SIK3: variants seen among roughly 807,000 people sequenced by gnomAD.
The protein encoded by SIK3 is SIK family kinase 3.
Under a neutral mutation model 144.2 loss-of-function variants are expected in SIK3, and 28 were observed. The ratio of observed to expected loss-of-function variants is 0.19; its 90% CI spans 0.14 to 0.27. SIK3 has a LOEUF of 0.27. Among genes scored for constraint, SIK3 ranks in the 10% least tolerant of loss-of-function variants. SIK3 has a pLI of 1.00. For synonymous variants in SIK3, 686 were observed against 676.3 expected (o/e 1.01, Z -0.22); for missense variants, 1,319 against 1,776.0 (o/e 0.74, Z 4.62).
At chr11:117,061,437 T>G (rs1395702619) in intron 1 of SIK3, among the ~76,000 whole-genome samples, 1 of 152,168 alleles carries the variant, frequency 6.6e-6, no homozygotes, top group Non-Finnish European at 1.5e-5. Flanking sequence ...AATGGTTGCG[T>G]CACTTTGGGT....
In SIK3 at chr11:116,867,301, G is replaced by A. The variant is rs1046726691; in HGVS notation, c.1952+645C>T. Among the ~76,000 whole-genome samples, 3 of 152,180 alleles carry A rather than the reference G, an allele frequency of 2.0e-5. No homozygotes were observed. The highest frequency in any genetic ancestry group is 4.4e-5 in the Non-Finnish European group (3 of 68,030). ...TCTTCAACTAGCAAAGTGTCATTCC[G>A]CAGCTGCTTCCAGGCTTACTTGGAG... On this transcript the variant is annotated intron_variant, in intron 15 of 24. Transcript: ENST00000445177. The surrounding 1 kb of genome is among the most constrained non-coding windows in gnomAD (Gnocchi z 4.1).
chr11:116,944,207 A>G (rs1214703668), intron 3 of SIK3, among the ~76,000 whole-genome samples: 1 of 152,168 alleles, frequency 6.6e-6, no homozygotes, highest in Non-Finnish European at 1.5e-5. Flanking sequence ...CCCAAAGAGA[A>G]GGCCTGGCCT....
chr11:117,054,208 G>A (rs575890127), intron 1 of SIK3, among the ~76,000 whole-genome samples: 11 of 152,232 alleles, frequency 7.2e-5, no homozygotes, highest in Non-Finnish European at 1.3e-4. Context: ...CTAGATGTTT[G>A]GGGTGGAAGG....
intron 6 of SIK3, among the ~76,000 whole-genome samples, chr11:116,890,777 G>A (rs1435303291): frequency 6.6e-6 from 1 of 151,996 alleles, no homozygotes; most frequent in African/African-American, 2.4e-5. Context: ...ATGTATTCTC[G>A]GCAGTGGGAA....
chr11:117,048,335 CATTTAATTATACAGACATAAGGTCA>C (rs1411820317), intron 1 of SIK3, among the ~76,000 whole-genome samples: 3 of 152,150 alleles, frequency 2.0e-5, no homozygotes, highest in African/African-American at 7.2e-5. Flanking sequence ...TAATGAAATA[CATTTAATTATACAGACATAAGGTCA>C]ATTAAAACTT....
intron 1 of SIK3, among the ~76,000 whole-genome samples, chr11:117,021,295 AG>A (rs1322878757): frequency 6.6e-6 from 1 of 152,230 alleles, no homozygotes; most frequent in African/African-American, 2.4e-5. Context: ...TTTGCACAAA[AG>A]AAAAATGGAA....
chr11:116,934,925 C>CA (rs1296962761), intron 3 of SIK3, among the ~76,000 whole-genome samples: 20 of 149,312 alleles, frequency 1.3e-4, no homozygotes, highest in East Asian at 3.9e-4. Context: ...ACTCAAAATA[C>CA]AAAAAAAAAA....
At chr11:117,051,749 A>T (rs1222916257) in intron 1 of SIK3, among the ~76,000 whole-genome samples, 1 of 151,892 alleles carries the variant, frequency 6.6e-6, no homozygotes, top group African/African-American at 2.4e-5. Context: ...ACCTGGTCTC[A>T]AACTCCTGAC....
At chr11:117,041,229 A>G (rs1029252301) in intron 1 of SIK3, among the ~76,000 whole-genome samples, 6 of 152,184 alleles carry the variant, frequency 3.9e-5, no homozygotes, top group Middle Eastern at 3.4e-3. Context: ...AGAGATGGGG[A>G]AAAAAATAGC....
intron 1 of SIK3, among the ~76,000 whole-genome samples, chr11:116,982,128 T>G (rs1950159644): frequency 6.6e-6 from 1 of 152,090 alleles, no homozygotes; most frequent in African/African-American, 2.4e-5. Flanking sequence ...CACTGAAGAC[T>G]TGCACCCTCC....
At chr11:117,022,798 A>G (rs1951831016) in intron 1 of SIK3, among the ~76,000 whole-genome samples, 1 of 151,522 alleles carries the variant, frequency 6.6e-6, no homozygotes, top group Non-Finnish European at 1.5e-5. Context: ...GATGCTTATC[A>G]GATTGTGGAG....
intron 14 of SIK3, 146 bp downstream of exon 14, chr11:116,870,185 G>A (rs1275285200): frequency 1.3e-6 from 2 of 1,542,222 alleles, no homozygotes; most frequent in East Asian, 2.4e-5. Context: ...TCCATGTGGG[G>A]TGGAACATGC....
At chr11:117,027,166 AC>A (rs1952046151) in intron 1 of SIK3, among the ~76,000 whole-genome samples, 1 of 152,224 alleles carries the variant, frequency 6.6e-6, no homozygotes, top group South Asian at 2.1e-4. Context: ...TGCTCAATCT[AC>A]CCATCAGACT....
intron 1 of SIK3, among the ~76,000 whole-genome samples, chr11:116,979,417 GT>G (rs1227162291): frequency 6.6e-6 from 1 of 151,834 alleles, no homozygotes; most frequent in African/African-American, 2.4e-5. Context: ...CATTTCCCAA[GT>G]TGTGGCTCAC....
chr11:116,870,124 C>T (rs1356785375), intron 14 of SIK3: 2 of 1,524,184 alleles, frequency 1.3e-6, no homozygotes, highest in Non-Finnish European at 1.8e-6. Flanking sequence ...ACTTAGGGGA[C>T]TTCCAATGGT....
rs911523155 is a variant in SIK3, at chr11:116,969,373, C to CA, written c.274-12310dup. The stretch of plus-strand genomic sequence containing the variant: ...GAGACCGTAAGTAACACATCCCCAC[C>CA]AAAAAATCATAAGGAATGAGATTTA... On this transcript the variant is annotated intron_variant, in intron 1 of 24. Transcript: ENST00000445177. 5.1e-4 allele frequency among the ~76,000 whole-genome samples: 76 copies of CA among 149,760 alleles called. 2 individuals carry two copies. The highest frequency in any genetic ancestry group is 2.1e-4 in the Non-Finnish European group (14 of 67,576).
chr11:117,011,639 T>G (rs745872754), intron 1 of SIK3, among the ~76,000 whole-genome samples: 2 of 152,100 alleles, frequency 1.3e-5, no homozygotes, highest in Admixed American at 1.3e-4. Context: ...TTACTGAGGA[T>G]TCACATAAAA....
chr11:116,897,026 C>CA (rs5795057), intron 5 of SIK3, among the ~76,000 whole-genome samples, 167 bp downstream of exon 5: 59 of 102,680 alleles, frequency 5.7e-4, no homozygotes, highest in South Asian at 1.7e-3. Flanking sequence ...GACTCTGTTT[C>CA]AAAAAAAAAA....
intron 4 of SIK3, 135 bp from the exon 5 acceptor site, chr11:116,897,452 C>T (rs1302621118): frequency 1.5e-5 from 11 of 719,990 alleles, no homozygotes; most frequent in Non-Finnish European, 2.3e-5. Context: ...TTAGAAACCA[C>T]ATAGCCAGAC....
Sources: gnomAD v4.1 joint callset for allele counts (sites outside exome capture counted in the v4.1 genomes callset) on GRCh38, gnomAD v4.1.1 for gene constraint, Gnocchi (gnomAD v3.1) non-coding constraint, MANE v1.5 for transcripts, NCBI Gene and HGNC (gene_info 2026-07-23, HGNC 2026-07-21) for gene names.